CCDC146: variants seen among roughly 807,000 people sequenced by gnomAD.
The protein encoded by CCDC146 is coiled-coil domain-containing protein 146.
A neutral mutation model predicts 119.3 loss-of-function variants in CCDC146; 92 were observed. That is an observed-to-expected ratio of 0.77 (90% CI 0.65 to 0.92). The LOEUF (loss-of-function observed/expected upper bound fraction) is 0.92, where lower values mean the gene tolerates loss of function less well. Among genes scored for constraint, CCDC146 ranks in the 40% least tolerant of loss-of-function variants. CCDC146 has a pLI of 0.00. For synonymous variants in CCDC146, 372 were observed against 371.8 expected (o/e 1.00, Z -0.01); for missense variants, 1,000 against 1,103.0 (o/e 0.91, Z 1.32).
chr7:77,184,078 G>A (rs1791628705), intron 2 of CCDC146, among the ~76,000 whole-genome samples: 1 of 152,118 alleles, frequency 6.6e-6, no homozygotes, highest in African/African-American at 2.4e-5. Flanking sequence ...TGCCAGCTGA[G>A]CCCCCAAAGG....
At chr7:77,233,643 C>T (rs1481030514) in intron 2 of CCDC146, among the ~76,000 whole-genome samples, 1 of 152,156 alleles carries the variant, frequency 6.6e-6, no homozygotes, top group Non-Finnish European at 1.5e-5. Context: ...CTAAGGAGTG[C>T]ACAACCTAGA....
chr7:77,264,494 A>G (rs965259212), intron 9 of CCDC146, among the ~76,000 whole-genome samples: 2 of 152,122 alleles, frequency 1.3e-5, no homozygotes, highest in African/African-American at 2.4e-5. Flanking sequence ...CCTGACCTCA[A>G]GTGATCCATC....
At chr7:77,239,844 C>T (rs961748733) in intron 3 of CCDC146, among the ~76,000 whole-genome samples, 10 of 152,152 alleles carry the variant, frequency 6.6e-5, no homozygotes, top group Admixed American at 5.2e-4. Flanking sequence ...TTTCTACATC[C>T]TCTGACAGAT....
intron 1 of CCDC146, among the ~76,000 whole-genome samples, chr7:77,146,792 T>C (rs1584023749): frequency 6.6e-6 from 1 of 152,252 alleles, no homozygotes; most frequent in Admixed American, 6.5e-5. Flanking sequence ...GTTAGTCTGA[T>C]GGGTTTCCCT....
chr7:77,225,330 C>T (rs1161758023), intron 2 of CCDC146, among the ~76,000 whole-genome samples: 1 of 151,168 alleles, frequency 6.6e-6, no homozygotes, highest in Non-Finnish European at 1.5e-5. Flanking sequence ...AGAAGGATTG[C>T]CTGAGACCAG....
intron 2 of CCDC146, among the ~76,000 whole-genome samples, chr7:77,235,272 G>A (rs1224349871): frequency 1.3e-5 from 2 of 152,196 alleles, no homozygotes; most frequent in Non-Finnish European, 2.9e-5. Context: ...CTTGCAGATT[G>A]TAATGTTATG....
chr7:77,206,653 AT>A (rs1410831734), intron 2 of CCDC146, among the ~76,000 whole-genome samples: 4,128 of 61,882 alleles, frequency 0.067, 187 homozygotes, highest in African/African-American at 0.29. Flanking sequence ...ACATACATAT[AT>A]ATATATATAT....
intron 1 of CCDC146, among the ~76,000 whole-genome samples, chr7:77,153,851 A>G (rs1426778419): frequency 1.3e-5 from 2 of 152,044 alleles, no homozygotes; most frequent in African/African-American, 4.8e-5. Context: ...AAAAATGTGT[A>G]TGAGAATATT....
At position 77,189,398 on chromosome 7, in the gene CCDC146, A is replaced by T. The variant is rs181958546; in HGVS notation, c.156+21574A>T. ...ATGTATCTCACTGCAACTTTTCATC[A>T]TGCTTTCCTCATCACTTAGCAAGAA... is the stretch of plus-strand genomic sequence containing the variant. On this transcript the variant is annotated intron_variant, in intron 2 of 18. Coordinates refer to ENST00000285871, the MANE Select transcript of CCDC146 (RefSeq NM_020879.3). 4.6e-5 allele frequency among the ~76,000 whole-genome samples: 7 copies of T among 152,240 alleles called. No individual in the cohort carries two copies. In the East Asian group the frequency reaches 1.4e-3, roughly 29 times the overall value.
At chr7:77,250,548 C>T (rs1793037494) in intron 4 of CCDC146, among the ~76,000 whole-genome samples, 1 of 152,148 alleles carries the variant, frequency 6.6e-6, no homozygotes. Context: ...GGATGTAATT[C>T]TTTGTTCCTC....
chr7:77,177,474 G>A (rs1791517762), intron 2 of CCDC146, among the ~76,000 whole-genome samples: 1 of 152,136 alleles, frequency 6.6e-6, no homozygotes, highest in African/African-American at 2.4e-5. Flanking sequence ...CTCGCCCTGG[G>A]TTACACATCG....
At chr7:77,209,847 C>A (rs1381051139) in intron 2 of CCDC146, among the ~76,000 whole-genome samples, 1 of 151,602 alleles carries the variant, frequency 6.6e-6, no homozygotes, top group Admixed American at 6.6e-5. Flanking sequence ...TGTACCTTGA[C>A]CCCTTTTAGC....
chr7:77,280,499 C>A lies in CCDC146; in HGVS notation c.1765C>A (p.Arg589Ser), dbSNP rs751587535. ...CAGAGAGAGCATGCAAAACGATGTGCGCAAAATTGTATCAAAACTTCAGGA... is the reference window on the plus strand; with the variant it reads ...CAGAGAGAGCATGCAAAACGATGTGAGCAAAATTGTATCAAAACTTCAGGA... The part of the protein sequence containing the change: ...TIRESMQNDV[R>S]KIVSKLQEMK... Residue 589 changes from arginine (R) to serine (S), a missense_variant, in exon 14 of 19, where the codon CGC becomes AGC. Coordinates refer to ENST00000285871, the MANE Select transcript of CCDC146 (RefSeq NM_020879.3). 3 of 1,614,028 alleles carry A rather than the reference C, an allele frequency of 1.9e-6. No individual in the cohort carries two copies. Among genetic ancestry groups the A allele is most frequent in the South Asian group, 2.2e-5 (2 of 91,060 alleles).
At chr7:77,175,010 G>A (rs560014797) in intron 2 of CCDC146, among the ~76,000 whole-genome samples, 1 of 151,946 alleles carries the variant, frequency 6.6e-6, no homozygotes, top group African/African-American at 2.4e-5. Flanking sequence ...CACATGTCCA[G>A]GGTTAATACA....
chr7:77,199,403 T>C, intron 2 of CCDC146: 1 of 1,614,180 alleles, frequency 6.2e-7, no homozygotes, highest in Non-Finnish European at 8.5e-7. Context: ...TCTAATTCTC[T>C]AACTCTGTTA....
chr7:77,220,222 G>A (rs1006918730), intron 2 of CCDC146, among the ~76,000 whole-genome samples: 5 of 152,052 alleles, frequency 3.3e-5, no homozygotes, highest in African/African-American at 7.2e-5. Flanking sequence ...GCTGTTCCTC[G>A]CTGAGAAAAA....
At chr7:77,130,947 A>C (rs1224345044) in intron 1 of CCDC146, among the ~76,000 whole-genome samples, 1 of 150,336 alleles carries the variant, frequency 6.7e-6, no homozygotes, top group African/African-American at 2.5e-5. Flanking sequence ...GCTGGAGTGC[A>C]ATGGCGCAAT....
chr7:77,199,808 T>A, intron 2 of CCDC146: 1 of 1,610,070 alleles, frequency 6.2e-7, no homozygotes, highest in Non-Finnish European at 8.5e-7. Context: ...ACAGTGCTGC[T>A]CACCCCAGCA....
rs183249352 is a variant in CCDC146 at position 77,167,049 on chromosome 7, A to G, written c.-11-609A>G. Among the ~76,000 whole-genome samples the G allele has an allele frequency of 1.2e-4, 19 of 152,354 alleles. No homozygotes were observed. The East Asian group carries it at 3.7e-3, about 29-fold the overall frequency. On this transcript the variant is annotated intron_variant, in intron 1 of 18. Coordinates refer to ENST00000285871, the MANE Select transcript of CCDC146 (RefSeq NM_020879.3). ...TTTGCAATTGTAATATTCTTTGGAC[A>G]TTAAAAGAACAGCAGAACTTGTTTG...
Sources: gnomAD v4.1 joint callset for allele counts (sites outside exome capture counted in the v4.1 genomes callset) on GRCh38, gnomAD v4.1.1 for gene constraint, MANE v1.5 for transcripts, NCBI Gene and HGNC (gene_info 2026-07-23, HGNC 2026-07-21) for gene names.